RCAN2: variants seen among roughly 807,000 people sequenced by gnomAD.
The protein encoded by RCAN2 is regulator of calcineurin 2.
RCAN2 carries 9 observed loss-of-function variants against 23.6 expected under a neutral mutation model. The ratio of observed to expected loss-of-function variants is 0.38; its 90% CI spans 0.23 to 0.67. The LOEUF (loss-of-function observed/expected upper bound fraction) is 0.67, where lower values mean the gene tolerates loss of function less well. RCAN2 is among the 30% of genes least tolerant of loss of function. RCAN2 has a pLI of 0.51. For synonymous variants in RCAN2, 109 were observed against 115.7 expected (o/e 0.94, Z 0.37); for missense variants, 273 against 302.3 (o/e 0.90, Z 0.72).
At chr6:46,457,198 A>G (rs1180366091) in intron 1 of RCAN2, among the ~76,000 whole-genome samples, 4 of 152,208 alleles carry the variant, frequency 2.6e-5, no homozygotes, top group Admixed American at 1.3e-4. Flanking sequence ...GAACCGAGTC[A>G]GTACTATGGT....
intron 2 of RCAN2, among the ~76,000 whole-genome samples, chr6:46,411,824 G>C (rs1194843391): frequency 6.6e-6 from 1 of 152,204 alleles, no homozygotes; most frequent in African/African-American, 2.4e-5. Flanking sequence ...ATTATGTGCA[G>C]AAATGTAATG....
intron 2 of RCAN2, among the ~76,000 whole-genome samples, chr6:46,311,680 G>T (rs1207186744): frequency 1.3e-5 from 2 of 152,172 alleles, no homozygotes; most frequent in Non-Finnish European, 2.9e-5. Context: ...CCAGATCAAA[G>T]CTTCCTTGTT....
intron 4 of RCAN2, among the ~76,000 whole-genome samples, chr6:46,225,837 G>C (rs538096115): frequency 6.6e-6 from 1 of 152,292 alleles, no homozygotes; most frequent in Non-Finnish European, 1.5e-5. Context: ...TGCTTCTGGT[G>C]TTTCAGTCAT....
intron 2 of RCAN2, among the ~76,000 whole-genome samples, chr6:46,386,202 G>A (rs2150395887): frequency 6.6e-6 from 1 of 152,126 alleles, no homozygotes; most frequent in East Asian, 1.9e-4. Flanking sequence ...ATCAAAAAGT[G>A]GACAAAGGAT....
intron 2 of RCAN2, among the ~76,000 whole-genome samples, chr6:46,339,773 C>T (rs779321555): frequency 1.5e-4 from 23 of 151,886 alleles, no homozygotes; most frequent in South Asian, 6.3e-4. Context: ...TACTATTGTC[C>T]GTGAAAATAG....
chr6:46,335,004 A>G (rs1441886650), intron 2 of RCAN2, among the ~76,000 whole-genome samples: 1 of 152,188 alleles, frequency 6.6e-6, no homozygotes, highest in African/African-American at 2.4e-5. Context: ...GTGTTTGCTC[A>G]GCATCCCTGT....
intron 2 of RCAN2, among the ~76,000 whole-genome samples, chr6:46,404,093 G>A (rs780850539): frequency 5.3e-5 from 8 of 152,038 alleles, no homozygotes; most frequent in Non-Finnish European, 1.2e-4. Context: ...GTGGTGGTGC[G>A]TGCCTGTAGT....
intron 2 of RCAN2, among the ~76,000 whole-genome samples, chr6:46,311,262 C>G (rs1029236560): frequency 1.3e-5 from 2 of 152,194 alleles, no homozygotes; most frequent in African/African-American, 4.8e-5. Flanking sequence ...TTCTGTCTCT[C>G]TACAGCCCAT....
At chr6:46,391,448 T>C (rs796303389) in intron 2 of RCAN2, among the ~76,000 whole-genome samples, 6 of 152,216 alleles carry the variant, frequency 3.9e-5, no homozygotes, top group African/African-American at 1.4e-4. Flanking sequence ...TGGGAAGTGT[T>C]ATGGTACCTC....
At position 46,222,846 on chromosome 6, in the gene RCAN2, C is replaced by T; in HGVS notation, c.*295G>A. ...CACAGGTGCTATTTGTTACTGATGT[C>T]TCTGGCTTGGATCAACATGAGAGAA... On this transcript the variant is annotated 3_prime_UTR_variant, in exon 5 of 5. Transcript: ENST00000371374. 3.1e-6 allele frequency: 1 copy of T among 324,290 alleles called. No homozygotes were observed. The highest frequency in any genetic ancestry group is 3.8e-5 in the South Asian group (1 of 26,556). The allele number at this position is 324,290 out of a possible 1,614,324, so 20.1% of individuals were successfully genotyped here. A position where few individuals can be genotyped will look rare whatever the true frequency, so the allele number is the denominator to read the frequency against.
In RCAN2 at chr6:46,315,051, A is replaced by T. The variant is rs888485137; in HGVS notation, c.226-66155T>A. ...ATTCCAGCCTGGGCGATAGAGCCAG[A>T]TCTTGTCTCAAAACATCTGTATTCT... On this transcript the variant is annotated intron_variant, in intron 2 of 4. Transcript: ENST00000371374. Among the ~76,000 whole-genome samples, 8 of 152,232 alleles carry T rather than the reference A, an allele frequency of 5.3e-5. No homozygotes were observed. In the South Asian group the frequency reaches 1.7e-3, roughly 32 times the overall value.
intron 2 of RCAN2, among the ~76,000 whole-genome samples, chr6:46,431,146 T>A (rs1291037338): frequency 6.6e-6 from 1 of 152,106 alleles, no homozygotes; most frequent in Non-Finnish European, 1.5e-5. Context: ...TGTCTGTGTG[T>A]GTGTGTGTTT....
At chr6:46,318,804 A>G (rs1303016283) in intron 2 of RCAN2, among the ~76,000 whole-genome samples, 1 of 152,182 alleles carries the variant, frequency 6.6e-6, no homozygotes, top group Non-Finnish European at 1.5e-5. Flanking sequence ...ATGTACACAC[A>G]TATGTTTTAC....
chr6:46,399,920 A>T (rs534622350), intron 2 of RCAN2, among the ~76,000 whole-genome samples: 1 of 152,316 alleles, frequency 6.6e-6, no homozygotes, highest in African/African-American at 2.4e-5. Context: ...TTGGGTTGTC[A>T]TGATCCATAC....
chr6:46,252,912 T>G (rs1766782813), intron 2 of RCAN2, among the ~76,000 whole-genome samples: 1 of 152,214 alleles, frequency 6.6e-6, no homozygotes. Flanking sequence ...CATTGATATC[T>G]CATCAAAACT....
At chr6:46,468,394 T>C (rs773561572) in intron 1 of RCAN2, among the ~76,000 whole-genome samples, 10 of 152,140 alleles carry the variant, frequency 6.6e-5, no homozygotes, top group Non-Finnish European at 1.2e-4. Flanking sequence ...CCTTCTCTTT[T>C]CTTTAATCAC....
At position 46,332,042 on chromosome 6, in the gene RCAN2, A is replaced by G. The variant is rs1433286115; in HGVS notation, c.226-83146T>C. On this transcript the variant is annotated intron_variant, in intron 2 of 4. Transcript: ENST00000371374. Reference sequence around the variant, plus strand: ...TTAGAGTATATCCCATAAAGCATATACAAATTATGTCTTACAGTCATTTAG... The same window carrying G: ...TTAGAGTATATCCCATAAAGCATATGCAAATTATGTCTTACAGTCATTTAG... Among the ~76,000 whole-genome samples, 5 of 152,232 alleles carry G rather than the reference A, an allele frequency of 3.3e-5. No individual in the cohort carries two copies. The East Asian group carries it at 9.6e-4, about 29-fold the overall frequency.
chr6:46,419,063 G>A (rs1261654025), intron 2 of RCAN2, among the ~76,000 whole-genome samples: 1 of 152,074 alleles, frequency 6.6e-6, no homozygotes, highest in African/African-American at 2.4e-5. Context: ...GCTACAATCT[G>A]TGCTCTTCAG....
intron 2 of RCAN2, among the ~76,000 whole-genome samples, chr6:46,338,403 T>C (rs2150370999): frequency 6.6e-6 from 1 of 152,112 alleles, no homozygotes; most frequent in Non-Finnish European, 1.5e-5. Flanking sequence ...GGGTGTGGTG[T>C]CTCATTGGTC....
Sources: gnomAD v4.1 joint callset for allele counts (sites outside exome capture counted in the v4.1 genomes callset) on GRCh38, gnomAD v4.1.1 for gene constraint, MANE v1.5 for transcripts, NCBI Gene and HGNC (gene_info 2026-07-23, HGNC 2026-07-21) for gene names.